Variants in EYA4 observed in about 807,000 individuals in gnomAD.
EYA4 encodes EYA transcriptional coactivator and phosphatase 4, also known as protein phosphatase EYA4.
In EYA4, 31 loss-of-function variants were observed where a neutral mutation model predicts 87.9. That is an observed-to-expected ratio of 0.35 (90% CI 0.27 to 0.48). The LOEUF (loss-of-function observed/expected upper bound fraction) is 0.48. Among genes scored for constraint, EYA4 ranks in the 20% least tolerant of loss-of-function variants. The pLI is 0.99. For missense variants in EYA4, 678 were observed against 761.4 expected, an observed-to-expected ratio of 0.89 and a Z score of 1.29; for synonymous variants, 263 against 270.6, an observed-to-expected ratio of 0.97 and a Z score of 0.28.
intron 3 of EYA4, among the ~76,000 whole-genome samples, chr6:133,437,590 T>C (rs901566318): frequency 6.6e-6 from 1 of 152,242 alleles, no homozygotes; most frequent in Non-Finnish European, 1.5e-5. Context: ...TTCATACTGC[T>C]GTAAAGAACT....
At chr6:133,362,235 T>C (rs182419622) in intron 2 of EYA4, among the ~76,000 whole-genome samples, 34 of 152,260 alleles carry the variant, frequency 2.2e-4, no homozygotes, top group African/African-American at 8.2e-4. Flanking sequence ...TAGAATTTCT[T>C]AGAGTGGGGC....
chr6:133,383,843 C>T (rs1306096466), intron 3 of EYA4, among the ~76,000 whole-genome samples: 1 of 152,050 alleles, frequency 6.6e-6, no homozygotes, highest in African/African-American at 2.4e-5. Flanking sequence ...TAAATGTTTT[C>T]CTACAAAGCA....
At chr6:133,272,867 C>A (rs1454818874) in intron 1 of EYA4, among the ~76,000 whole-genome samples, 1 of 152,018 alleles carries the variant, frequency 6.6e-6, no homozygotes, top group African/African-American at 2.4e-5. Flanking sequence ...ATGATCTCAA[C>A]CTATTTTCAA....
intron 5 of EYA4, among the ~76,000 whole-genome samples, chr6:133,456,179 A>G (rs1793887809): frequency 6.6e-6 from 1 of 152,136 alleles, no homozygotes; most frequent in African/African-American, 2.4e-5. Context: ...GGAAAAATAA[A>G]ATATAAGCTA....
chr6:133,367,222 C>G (rs1784917925), intron 2 of EYA4, among the ~76,000 whole-genome samples: 1 of 152,092 alleles, frequency 6.6e-6, no homozygotes, highest in South Asian at 2.1e-4. Flanking sequence ...GGTAAAATCT[C>G]AGACTTTTTG....
At chr6:133,275,784 C>A (rs1777115564) in intron 2 of EYA4, among the ~76,000 whole-genome samples, 1 of 151,982 alleles carries the variant, frequency 6.6e-6, no homozygotes, top group Non-Finnish European at 1.5e-5. Flanking sequence ...ATAGCCATGC[C>A]TTTAATTTGG....
intron 2 of EYA4, among the ~76,000 whole-genome samples, chr6:133,297,821 G>A (rs569726489): frequency 7.2e-5 from 11 of 152,324 alleles, no homozygotes; most frequent in Non-Finnish European, 1.0e-4. Context: ...ACATAGGAGA[G>A]TTTGAAGCCA....
intron 2 of EYA4, among the ~76,000 whole-genome samples, chr6:133,283,758 C>T (rs1777816789): frequency 6.6e-6 from 1 of 152,154 alleles, no homozygotes; most frequent in African/African-American, 2.4e-5. Context: ...TCTGGGCTTT[C>T]AGTGTAACCA....
At chr6:133,263,435 AC>A (rs1455182820) in intron 1 of EYA4, among the ~76,000 whole-genome samples, 2 of 152,066 alleles carry the variant, frequency 1.3e-5, no homozygotes, top group East Asian at 3.9e-4. Context: ...GTCTTTCCCT[AC>A]AGACCAGCTT....
At chr6:133,261,981 G>C (rs778034022) in intron 1 of EYA4, among the ~76,000 whole-genome samples, 8 of 152,124 alleles carry the variant, frequency 5.3e-5, no homozygotes, top group Non-Finnish European at 1.0e-4. Flanking sequence ...AGTAGTAAAA[G>C]CAAGTTTTCA....
chr6:133,413,552 GC>G (rs1789436023), intron 3 of EYA4, among the ~76,000 whole-genome samples: 1 of 150,984 alleles, frequency 6.6e-6, no homozygotes. Flanking sequence ...TGGCTTTCCT[GC>G]CATCTTTTGA....
chr6:133,354,069 T>C (rs1290207405), intron 2 of EYA4, among the ~76,000 whole-genome samples: 3 of 152,178 alleles, frequency 2.0e-5, no homozygotes, highest in Non-Finnish European at 2.9e-5. Flanking sequence ...GCACCTACAG[T>C]GTAGCTTATT....
At chr6:133,286,310 T>C (rs1183034993) in intron 2 of EYA4, among the ~76,000 whole-genome samples, 1 of 152,206 alleles carries the variant, frequency 6.6e-6, no homozygotes, top group Non-Finnish European at 1.5e-5. Flanking sequence ...ATGCATCAGA[T>C]GTAACCATTG....
chr6:133,252,942 AACACACACACACACACACACACAC>A (rs3836960), intron 1 of EYA4, among the ~76,000 whole-genome samples: 6 of 138,670 alleles, frequency 4.3e-5, no homozygotes, highest in Admixed American at 1.4e-4. Context: ...GGTACTTGAA[AACACACACACACACACACACACAC>A]ACACACACAC....
chr6:133,335,027 T>C (rs1782259719), intron 2 of EYA4, among the ~76,000 whole-genome samples: 1 of 152,236 alleles, frequency 6.6e-6, no homozygotes, highest in Admixed American at 6.5e-5. Flanking sequence ...TATGGTACAA[T>C]GTGTTTGTTA....
chr6:133,456,391 C>T (rs1289286471), intron 5 of EYA4, 165 bp from the exon 6 acceptor site: 29 of 649,970 alleles, frequency 4.5e-5, no homozygotes, highest in Non-Finnish European at 7.7e-5. Context: ...ATTAAATCCT[C>T]TAAATGCATG....
intron 11 of EYA4, among the ~76,000 whole-genome samples, chr6:133,479,032 T>C (rs1434210644): frequency 6.6e-6 from 1 of 152,152 alleles, no homozygotes; most frequent in East Asian, 1.9e-4. Flanking sequence ...TAAGGAGAAG[T>C]TTTATGGAAC....
chr6:133,515,713 C>G (rs957927452), intron 17 of EYA4, among the ~76,000 whole-genome samples: 2 of 151,074 alleles, frequency 1.3e-5, no homozygotes, highest in Non-Finnish European at 2.9e-5. Flanking sequence ...ATCTCACCAC[C>G]CATCTCTTCT....
intron 13 of EYA4, among the ~76,000 whole-genome samples, chr6:133,492,220 G>A (rs1351745602): frequency 1.3e-5 from 2 of 152,064 alleles, no homozygotes; most frequent in Non-Finnish European, 2.9e-5. Flanking sequence ...CAAAATACTA[G>A]CAAACTGAAT....
Sources: allele counts gnomAD v4.1 joint callset (sites outside exome capture counted in the v4.1 genomes callset), GRCh38; gene constraint gnomAD v4.1.1; transcripts MANE v1.5; gene names NCBI Gene and HGNC (gene_info 2026-07-23, HGNC 2026-07-21).